The following CPM variants were observed in gnomAD, a reference collection of about 807,000 sequenced individuals.
CPM encodes the protein renal carboxypeptidase.
A neutral mutation model predicts 46.4 loss-of-function variants in CPM; 35 were observed. The observed-to-expected ratio is 0.75, with a 90% CI of 0.58 to 1.00. CPM has a LOEUF of 1.00. CPM is among the 50% of genes least tolerant of loss of function. The pLI, the probability that CPM is intolerant of heterozygous loss-of-function variation, is 0.00. For missense variants in CPM, 422 were observed against 530.4 expected (o/e 0.80, Z 2.01); for synonymous variants, 195 against 195.3 (o/e 1.00, Z 0.01).
At chr12:68,933,422 A>T (rs1888601975), upstream of CPM, among the ~76,000 whole-genome samples, 1 of 152,112 alleles carries the variant, frequency 6.6e-6, no homozygotes, top group African/African-American at 2.4e-5. Flanking sequence ...GCTCGCGGAC[A>T]GTCTTTGCTG....
At chr12:68,909,850 A>C in intron 2 of CPM, among the ~76,000 whole-genome samples, 1 of 146,862 alleles carries the variant, frequency 6.8e-6, no homozygotes, top group Non-Finnish European at 1.5e-5. Context: ...TGGGGGGGCT[A>C]CGGGAGGGAT....
At chr12:68,932,280 G>T (rs1044448118) in intron 2 of CPM, among the ~76,000 whole-genome samples, 1 of 152,144 alleles carries the variant, frequency 6.6e-6, no homozygotes, top group Admixed American at 6.5e-5. Context: ...GAGACATGAA[G>T]AAATGACATT....
intron 2 of CPM, among the ~76,000 whole-genome samples, chr12:68,897,262 C>A (rs1356876118): frequency 6.6e-6 from 1 of 151,642 alleles, no homozygotes; most frequent in African/African-American, 2.4e-5. Context: ...CTTCCATGTT[C>A]CCCTTTAGGT....
chr12:68,875,494 T>C (rs1442238556), intron 3 of CPM, among the ~76,000 whole-genome samples: 1 of 152,070 alleles, frequency 6.6e-6, no homozygotes, highest in African/African-American at 2.4e-5. Context: ...AATAATCTTT[T>C]TTCTTAACTT....
At chr12:68,899,053 A>G (rs1887006217) in intron 2 of CPM, among the ~76,000 whole-genome samples, 1 of 152,228 alleles carries the variant, frequency 6.6e-6, no homozygotes, top group African/African-American at 2.4e-5. Context: ...TAACATAGGG[A>G]TAGACTGCCA....
intron 5 of CPM, chr12:68,843,495 T>C (rs1883987450): frequency 4.5e-6 from 1 of 222,058 alleles, no homozygotes; most frequent in African/African-American, 2.5e-5. Context: ...TCTCTCAAAC[T>C]GTGGATTAAC....
intron 1 of CPM, among the ~76,000 whole-genome samples, chr12:68,953,228 C>T (rs578015617): frequency 1.2e-4 from 18 of 152,164 alleles, no homozygotes; most frequent in African/African-American, 4.1e-4. Context: ...GAGCCTCCTT[C>T]AGCAGGTATG....
intron 8 of CPM, among the ~76,000 whole-genome samples, chr12:68,857,307 C>T (rs1003002005): frequency 3.9e-5 from 6 of 151,914 alleles, no homozygotes; most frequent in Non-Finnish European, 5.9e-5. Context: ...ATTACAGGTG[C>T]ATACCACCAT....
chr12:68,959,305 C>A (rs1889074889), intron 1 of CPM, among the ~76,000 whole-genome samples: 1 of 152,126 alleles, frequency 6.6e-6, no homozygotes, highest in African/African-American at 2.4e-5. Flanking sequence ...AGACTGCAAC[C>A]TAAATGATGA....
intron 2 of CPM, among the ~76,000 whole-genome samples, chr12:68,886,564 G>A (rs575534005): frequency 2.0e-4 from 31 of 152,278 alleles, no homozygotes; most frequent in African/African-American, 4.3e-4. Context: ...CCCCGGAGGC[G>A]GAGCTTGCAG....
At chr12:68,932,068 G>GAA (rs1343079752) in intron 2 of CPM, among the ~76,000 whole-genome samples, 1 of 152,116 alleles carries the variant, frequency 6.6e-6, no homozygotes, top group East Asian at 1.9e-4. Flanking sequence ...TTTAAAAACA[G>GAA]CCTTTAATCA....
chr12:68,933,056 G>T, intron 1 of CPM, 86 bp downstream of exon 1: 1 of 480,374 alleles, frequency 2.1e-6, no homozygotes, highest in Non-Finnish European at 3.7e-6. Flanking sequence ...CCAGCCGCCC[G>T]CGCCTCCCTC....
intron 2 of CPM, among the ~76,000 whole-genome samples, chr12:68,903,858 TTCCC>T (rs1887221549): frequency 6.9e-6 from 1 of 145,404 alleles, no homozygotes; most frequent in African/African-American, 2.5e-5. Flanking sequence ...CCCTCCCTTC[TTCCC>T]TCCCTCCCTT....
At chr12:68,904,368 C>A (rs1310876061) in intron 2 of CPM, among the ~76,000 whole-genome samples, 1 of 152,168 alleles carries the variant, frequency 6.6e-6, no homozygotes, top group East Asian at 1.9e-4. Flanking sequence ...CTGTGCCCAT[C>A]ATTTGCAGTA....
chr12:68,850,858 T>C (rs1884637163), downstream of CPM, among the ~76,000 whole-genome samples: 1 of 152,200 alleles, frequency 6.6e-6, no homozygotes, highest in South Asian at 2.1e-4. Flanking sequence ...TTAATATAAA[T>C]TGTGAATTTT....
At position 68,858,975 on chromosome 12, in the gene CPM, T is replaced by C; in HGVS notation, c.1037A>G (p.Asn346Ser). 1 of 1,565,538 alleles carries C rather than the reference T, an allele frequency of 6.4e-7. No individual in the cohort carries two copies. The highest frequency in any genetic ancestry group is 8.7e-7 in the Non-Finnish European group (1 of 1,155,168). ...AAGGAGATAATACTCTCCATATTTG[T>C]TGGTTCTATAGGGGCAGATATGTTT... ...DRKHICPYRT[N>S]KYGEYYLLLL... The change falls in exon 8 of 9, where the codon AAC (asparagine) becomes AGC (serine). Residue 346 changes from asparagine to serine, a missense_variant. By Grantham distance (46) the Asn-to-Ser change is conservative. Transcript: ENST00000551568.
At chr12:68,896,902 G>T (rs1144953) in intron 2 of CPM, among the ~76,000 whole-genome samples, 34,134 of 151,360 alleles carry the variant, frequency 0.23, 6,851 homozygotes, top group African/African-American at 0.54. Flanking sequence ...GGACAGTTAC[G>T]TTTTTAATTG....
intron 2 of CPM, among the ~76,000 whole-genome samples, chr12:68,914,808 TG>T (rs1887739928): frequency 6.6e-6 from 1 of 152,140 alleles, no homozygotes; most frequent in African/African-American, 2.4e-5. Context: ...CTGGAAGAAC[TG>T]GGGTTTTGAA....
At chr12:68,914,109 GT>G (rs1887710805) in intron 2 of CPM, 2 of 537,820 alleles carry the variant, frequency 3.7e-6, no homozygotes, top group Non-Finnish European at 7.0e-6. Context: ...ATTATAGTCA[GT>G]ATACTATGGC....
Sources: gnomAD v4.1 joint callset for allele counts (sites outside exome capture counted in the v4.1 genomes callset) on GRCh38, gnomAD v4.1.1 for gene constraint, MANE v1.5 for transcripts, NCBI Gene and HGNC (gene_info 2026-07-23, HGNC 2026-07-21) for gene names.